HEATR5B: variants seen among roughly 807,000 people sequenced by gnomAD.
The protein encoded by HEATR5B is HEAT repeat containing 5B.
Under a neutral mutation model 224.1 loss-of-function variants are expected in HEATR5B, and 156 were observed. The observed-to-expected ratio is 0.70, with a 90% confidence interval of 0.61 to 0.80. The LOEUF is 0.80. Among genes scored for constraint, HEATR5B ranks in the 30% least tolerant of loss-of-function variants. HEATR5B has a pLI of 0.00. For synonymous variants in HEATR5B, 1,027 were observed against 893.0 expected (o/e 1.15, Z -2.68); for missense variants, 2,323 against 2,535.5 (o/e 0.92, Z 1.80).
intron 21 of HEATR5B, among the ~76,000 whole-genome samples, chr2:37,034,281 C>T (rs1669330065): frequency 6.7e-6 from 1 of 149,066 alleles, no homozygotes. Flanking sequence ...GCTGGGATTA[C>T]AGGCGTGAGC....
intron 22 of HEATR5B, among the ~76,000 whole-genome samples, chr2:37,030,006 CA>C (rs773618626): frequency 6.6e-5 from 10 of 151,012 alleles, no homozygotes; most frequent in Non-Finnish European, 1.5e-4. Context: ...TAACAACAAC[CA>C]AAAAGCAATG....
intron 34 of HEATR5B, among the ~76,000 whole-genome samples, chr2:36,989,166 A>AT (rs1666152338): frequency 6.6e-6 from 1 of 152,132 alleles, no homozygotes; most frequent in Non-Finnish European, 1.5e-5. Flanking sequence ...GCTCACTGCA[A>AT]TCTCTGCCTC....
chr2:37,019,756 A>G (rs971061966), intron 26 of HEATR5B, 53 bp downstream of exon 26: 5 of 1,225,528 alleles, frequency 4.1e-6, no homozygotes, highest in Admixed American at 4.1e-5. Flanking sequence ...AAATTCTAAG[A>G]TATCTATGAA....
intron 31 of HEATR5B, 115 bp from the exon 32 acceptor site, chr2:37,002,687 C>CA (rs1365620106): frequency 6.0e-6 from 6 of 1,006,354 alleles, no homozygotes; most frequent in Non-Finnish European, 8.7e-6. Context: ...CAAATAATGT[C>CA]ACACGTCCTT....
chr2:37,031,594 G>A (rs1223077735), intron 22 of HEATR5B, among the ~76,000 whole-genome samples: 16 of 151,910 alleles, frequency 1.1e-4, no homozygotes, highest in African/African-American at 3.6e-4. Flanking sequence ...GTATTCAGAA[G>A]AGTTCTGTAA....
At position 37,027,953 on chromosome 2, in the gene HEATR5B, C is replaced by G. The variant is rs767185839; in HGVS notation, c.3823G>C (p.Ala1275Pro). The G allele has an allele frequency of 6.8e-6, 11 of 1,614,128 alleles. No individual in the cohort carries two copies. The highest frequency in any genetic ancestry group is 9.3e-6 in the Non-Finnish European group (11 of 1,179,978). ...ADQAHFDLAL[A>P]RSAKLRNPTN... is the part of the protein sequence containing the mutation. ...GGGTTTCGAAGTTTAGCAGAACGTG[C>G]CAAGGCAAGATCAAAGTGAGCCTGG... Residue 1275 changes from alanine (A) to proline (P), a missense_variant, in exon 24 of 36, where the codon GCA becomes CCA. Transcript: ENST00000233099.
intron 21 of HEATR5B, among the ~76,000 whole-genome samples, chr2:37,034,155 C>T (rs911212944): frequency 4.6e-5 from 7 of 151,266 alleles, no homozygotes; most frequent in Non-Finnish European, 1.0e-4. Context: ...TACAGGTGCC[C>T]GCCACCACGC....
At chr2:37,060,009 A>T (rs1258581574) in intron 12 of HEATR5B, among the ~76,000 whole-genome samples, 1 of 152,202 alleles carries the variant, frequency 6.6e-6, no homozygotes, top group African/African-American at 2.4e-5. Flanking sequence ...ACCAAAAAAG[A>T]ACTGGTACAT....
chr2:37,005,613 T>C lies in HEATR5B; in HGVS notation c.4905+19A>G, dbSNP rs1667362225. On this transcript the variant is annotated intron_variant, in intron 30 of 35. Transcript: ENST00000233099. ...CAAAAAAAAACCACACAAGTATCTATCATAGCAATACACTGTACCTGATCT... is the reference window on the plus strand; with the variant it reads ...CAAAAAAAAACCACACAAGTATCTACCATAGCAATACACTGTACCTGATCT... The C allele has an allele frequency of 2.3e-5, 37 of 1,609,324 alleles. No homozygotes were observed. Among genetic ancestry groups the C allele is most frequent in the South Asian group, 5.5e-5 (5 of 90,098 alleles).
In HEATR5B at chr2:36,997,760, GT is replaced by G. The variant is rs1264276703; in HGVS notation, c.5545+2825del. ...TTTTTGTATCTTTAGTAGAGACGGGGTTTCCCTGTGTTAGCTAGGATGGTGT... is the reference window on the plus strand; with the variant it reads ...TTTTTGTATCTTTAGTAGAGACGGGGTTCCCTGTGTTAGCTAGGATGGTGT... On this transcript the variant is annotated intron_variant, in intron 33 of 35. Transcript: ENST00000233099. Among the ~76,000 whole-genome samples, 8 of 151,954 alleles carry G rather than the reference GT, an allele frequency of 5.3e-5. No homozygotes were observed. The East Asian group carries it at 1.6e-3, about 29-fold the overall frequency.
Position 37,057,423 on chromosome 2 carries a change from G to A in HEATR5B, c.2117C>T (p.Ser706Leu), listed in dbSNP as rs1311557993. ...LVAEFTLTDNSANTTTSLLRS... is the reference protein window; with the variant it reads ...LVAEFTLTDNLANTTTSLLRS... ...GAGGAGGGAAGTAGTTGTGTTGGCT[G>A]AGTTGTCAGTCAAAGTGAATTCCGC... Residue 706 changes from serine to leucine, a missense_variant, in exon 15 of 36, where the codon TCA becomes TTA. By Grantham distance (145) the Ser-to-Leu change is moderately radical. This residue lies in a region of HEATR5B where 502 missense variants were observed against 517.8 expected (regional missense o/e 0.97). Coordinates refer to ENST00000233099, the MANE Select transcript of HEATR5B (RefSeq NM_019024.3). 1.2e-6 allele frequency: 2 copies of A among 1,611,196 alleles called. No individual in the cohort carries two copies. The highest frequency in any genetic ancestry group is 1.7e-6 in the Non-Finnish European group (2 of 1,178,762).
chr2:37,041,758 T>A lies in HEATR5B; in HGVS notation c.2697-466A>T, dbSNP rs202203548. Among the ~76,000 whole-genome samples the A allele has an allele frequency of 5.4e-5, 8 of 149,368 alleles. No individual in the cohort carries two copies. The East Asian group carries it at 1.2e-3, about 22-fold the overall frequency. On this transcript the variant is annotated intron_variant, in intron 18 of 35. Coordinates refer to ENST00000233099, the MANE Select transcript of HEATR5B (RefSeq NM_019024.3). ...GGACCCTGTCTCAATAATAATAATA[T>A]TAATAATAATAATAATAATTGGTTA...
intron 34 of HEATR5B, among the ~76,000 whole-genome samples, chr2:36,990,104 A>ACAGG (rs1666225561): frequency 6.6e-6 from 1 of 151,452 alleles, no homozygotes; most frequent in Non-Finnish European, 1.5e-5. Flanking sequence ...GGGTTTCACT[A>ACAGG]CAGGCTGGTC....
At chr2:37,038,271 C>G (rs763215684) in intron 20 of HEATR5B, among the ~76,000 whole-genome samples, 13 of 152,026 alleles carry the variant, frequency 8.6e-5, no homozygotes, top group Non-Finnish European at 1.8e-4. Context: ...TCTGGAGTAG[C>G]TGGGATTACA....
At chr2:36,994,130 G>C (rs1666527460) in intron 33 of HEATR5B, among the ~76,000 whole-genome samples, 1 of 152,126 alleles carries the variant, frequency 6.6e-6, no homozygotes, top group Non-Finnish European at 1.5e-5. Context: ...AGATGGTTCA[G>C]CAAAATTAAT....
rs763996331 is a variant in HEATR5B at position 37,007,236 on chromosome 2, T to C, written c.4591A>G (p.Ile1531Val). Residue 1531 changes from isoleucine (I) to valine (V), a missense_variant, in exon 29 of 36, where the codon ATT becomes GTT. Ile to Val is a conservative substitution (Grantham distance 29). This residue lies in a region of HEATR5B where 844 missense variants were observed against 812.9 expected (regional missense o/e 1.04). Transcript: ENST00000233099. Reference protein sequence around the residue: ...RLHYRNSWAPILHAVALWLNS... With the variant: ...RLHYRNSWAPVLHAVALWLNS... Reference sequence around the variant, plus strand: ...AACCAAAGTGCCACCGCATGGAGAATTGGGGCCCAGGAATTCCGATAGTGA... The same window carrying C: ...AACCAAAGTGCCACCGCATGGAGAACTGGGGCCCAGGAATTCCGATAGTGA... 63 of 1,613,868 alleles carry C rather than the reference T, an allele frequency of 3.9e-5. 1 individual carries two copies. The South Asian group carries it at 4.1e-4, about 10-fold the overall frequency.
intron 10 of HEATR5B, 46 bp from the exon 11 acceptor site, chr2:37,062,096 T>C: frequency 8.7e-7 from 1 of 1,152,592 alleles, no homozygotes; most frequent in Non-Finnish European, 1.3e-6. Flanking sequence ...ACAAGTTAAA[T>C]TAAATAAGGA....
chr2:37,016,596 G>A (rs893221772), intron 26 of HEATR5B, among the ~76,000 whole-genome samples: 1 of 152,136 alleles, frequency 6.6e-6, no homozygotes, highest in Non-Finnish European at 1.5e-5. Flanking sequence ...ATCACAATAA[G>A]AAAGATTAAC....
At chr2:37,052,151 C>A in intron 17 of HEATR5B, among the ~76,000 whole-genome samples, 1 of 152,146 alleles carries the variant, frequency 6.6e-6, no homozygotes, top group East Asian at 1.9e-4. Flanking sequence ...ATATTTGCTA[C>A]CATTTTATTT....
Sources: allele counts gnomAD v4.1 joint callset (sites outside exome capture counted in the v4.1 genomes callset), GRCh38; gene constraint gnomAD v4.1.1; regional missense constraint gnomAD v4.1.1; transcripts MANE v1.5; gene names NCBI Gene and HGNC (gene_info 2026-07-23, HGNC 2026-07-21).